GRIK5: variants seen among roughly 807,000 people sequenced by gnomAD.
The protein encoded by GRIK5 is glutamate receptor ionotropic, kainate 5.
A neutral mutation model predicts 97.4 loss-of-function variants in GRIK5; 43 were observed. The observed-to-expected ratio is 0.44, with a 90% CI of 0.35 to 0.57. The LOEUF (loss-of-function observed/expected upper bound fraction) is 0.57. Ranked by LOEUF, GRIK5 falls within the 20% of genes least tolerant of loss-of-function variation. The probability of loss-of-function intolerance (pLI) is 0.01; values close to 1 mark genes in which losing one functional copy is unlikely to be tolerated. For missense variants in GRIK5, 1,015 were observed against 1,382.0 expected (o/e 0.73, Z 4.21); for synonymous variants, 580 against 583.5 (o/e 0.99, Z 0.09).
chr19:42,067,405 G>A (rs991702716), intron 1 of GRIK5, among the ~76,000 whole-genome samples: 1 of 152,210 alleles, frequency 6.6e-6, no homozygotes, highest in East Asian at 1.9e-4. Context: ...TGCTAGGTGG[G>A]AGGGTATGCT....
rs1180349389 is a variant in GRIK5 at position 42,069,552 on chromosome 19, G to A, written c.-362C>T. Reference sequence around the variant, plus strand: ...AGGGGAAGGAGGGAGGAAAGGAGGAGAGGAAGGTGAAAACGGAAGGGGGGG... The same window carrying A: ...AGGGGAAGGAGGGAGGAAAGGAGGAAAGGAAGGTGAAAACGGAAGGGGGGG... On this transcript the variant is annotated 5_prime_UTR_variant, in exon 1 of 20. Coordinates refer to ENST00000593562, the MANE Select transcript of GRIK5 (RefSeq NM_002088.5). 1 of 137,672 alleles carries A rather than the reference G, an allele frequency of 7.3e-6. No individual in the cohort carries two copies. The highest frequency in any genetic ancestry group is 1.6e-5 in the Non-Finnish European group (1 of 63,290). The allele number at this position is 137,672 out of a possible 1,614,324, so 8.5% of individuals were successfully genotyped here.
chr19:42,012,276 A>G (rs979710781), intron 15 of GRIK5, among the ~76,000 whole-genome samples: 4 of 152,042 alleles, frequency 2.6e-5, no homozygotes, highest in African/African-American at 9.7e-5. Context: ...TTGGAGACAG[A>G]GTCTCTCTCT....
chr19:42,062,848 C>A lies in GRIK5; in HGVS notation c.252G>T (p.Gln84His), dbSNP rs2076278701. 1 of 1,612,406 alleles carries A rather than the reference C, an allele frequency of 6.2e-7. No individual in the cohort carries two copies. Among genetic ancestry groups the A allele is most frequent in the South Asian group, 1.1e-5 (1 of 91,048 alleles). The change falls in exon 4 of 20, where the codon CAG becomes CAT. Residue 84 changes from glutamine to histidine, a missense_variant. Coordinates refer to ENST00000593562, the MANE Select transcript of GRIK5 (RefSeq NM_002088.5). This position sits in a 1 kb window ranked among gnomAD's most constrained non-coding sequence, Gnocchi z 5.3. Reference protein sequence around the residue: ...SQYETTDTMCQILPKGVVSVL... With the variant: ...SQYETTDTMCHILPKGVVSVL... ...CAGACACAACCCCTTTGGGTAAGAT[C>A]TGACACACTGCGTGGGAAGGGGAAG... is the stretch of plus-strand genomic sequence containing the variant.
chr19:42,057,186 G>A (rs527444072), intron 6 of GRIK5, among the ~76,000 whole-genome samples: 3 of 152,130 alleles, frequency 2.0e-5, no homozygotes, highest in Non-Finnish European at 4.4e-5. Flanking sequence ...AGTCCCTGGT[G>A]TCCCGCCATG....
chr19:42,003,305 G>GGGCCCCCCCCCCC lies in GRIK5; in HGVS notation c.2514+26_2514+27insGGGGGGGGGGGCC. ...TCAGCCCCTGGGGGTCCCTGTTCCT[G>GGGCCCCCCCCCCC]CCCACCCCCACCCCCAGCCTCCTCA... On this transcript the variant is annotated intron_variant, in intron 19 of 19. Transcript: ENST00000593562. This position sits in a 1 kb window ranked among gnomAD's most constrained non-coding sequence, Gnocchi z 4.2. The GGGCCCCCCCCCCC allele has an allele frequency of 1.3e-6, 2 of 1,540,740 alleles. No individual in the cohort carries two copies. The highest frequency in any genetic ancestry group is 1.8e-6 in the Non-Finnish European group (2 of 1,118,200).
rs749402568 is a variant in GRIK5, at chr19:42,021,337, G to A, written c.1835C>T (p.Pro612Leu). The change falls in exon 15 of 20, where the codon CCC becomes CTC. Residue 612 changes from proline (P) to leucine (L), a missense_variant. Pro to Leu is a moderately conservative substitution (Grantham distance 98, BLOSUM62 -3). Transcript: ENST00000593562. The surrounding 1 kb of genome is among the most constrained non-coding windows in gnomAD (Gnocchi z 4.2). Reference sequence around the variant, plus strand: ...GACACAGCGCGTGGACAGCGCCCGGGGCATGATCTCCGAGCCCTGCTGCAT... The same window carrying A: ...GACACAGCGCGTGGACAGCGCCCGGAGCATGATCTCCGAGCCCTGCTGCAT... ...GFMQQGSEIM[P>L]RALSTRCVSG... 6.2e-7 allele frequency: 1 copy of A among 1,613,470 alleles called. No individual in the cohort carries two copies. Among genetic ancestry groups the A allele is most frequent in the Admixed American group, 1.7e-5 (1 of 60,010 alleles).
chr19:42,009,470 TAA>T (rs77770415), intron 15 of GRIK5, among the ~76,000 whole-genome samples: 27 of 131,478 alleles, frequency 2.1e-4, no homozygotes, highest in Admixed American at 4.6e-4. Flanking sequence ...ACCTTATCTT[TAA>T]AAAAAAAAAA....
chr19:42,054,464 G>T lies in GRIK5; in HGVS notation c.912C>A (p.Ala304=). The part of the protein sequence containing the change: ...ASTYLGPALS[A]ALMFDAVHVV... ...CGTGCACGGCGTCAAACATCAGGGC[G>T]GCTGACAGCTGCGGTGGGACAGAGG... is the stretch of plus-strand genomic sequence containing the variant. The change falls in exon 9 of 20, where the codon GCC becomes GCA. Residue 304 remains alanine, a synonymous_variant. Coordinates refer to ENST00000593562, the MANE Select transcript of GRIK5 (RefSeq NM_002088.5). The T allele has an allele frequency of 1.2e-6, 2 of 1,612,824 alleles. No individual in the cohort carries two copies. The highest frequency in any genetic ancestry group is 1.7e-6 in the Non-Finnish European group (2 of 1,179,944).
At chr19:42,056,438 A>C (rs932163737) in intron 8 of GRIK5, among the ~76,000 whole-genome samples, 5 of 152,088 alleles carry the variant, frequency 3.3e-5, no homozygotes, top group Non-Finnish European at 5.9e-5. Flanking sequence ...CCTGAGGTGC[A>C]CCTGCTTGGG....
rs145384113 is a variant in GRIK5 at position 42,062,485 on chromosome 19, C to T, written c.508+3G>A. ...GAAAACAAAACATTCAGTTCTCCCT[C>T]ACACTCAGCCTTGGCGCAGATGAGG... is the stretch of plus-strand genomic sequence containing the variant. On this transcript the variant is annotated splice_donor_region_variant and intron_variant, in intron 5 of 19. Transcript: ENST00000593562. The surrounding 1 kb of genome is among the most constrained non-coding windows in gnomAD (Gnocchi z 5.3). 21,708 of 1,613,962 alleles carry T rather than the reference C, an allele frequency of 0.013. 190 individuals carry two copies. Among genetic ancestry groups the T allele is most frequent in the Middle Eastern group, 0.016 (98 of 6,062 alleles).
chr19:42,035,365 T>C (rs577564020), intron 12 of GRIK5, among the ~76,000 whole-genome samples: 3 of 152,238 alleles, frequency 2.0e-5, no homozygotes, highest in Admixed American at 1.3e-4. Flanking sequence ...AAAAGCAAAC[T>C]ACACAGCAGT....
intron 15 of GRIK5, among the ~76,000 whole-genome samples, chr19:42,011,141 A>C (rs551016767): frequency 3.0e-4 from 45 of 151,016 alleles, no homozygotes; most frequent in East Asian, 1.6e-3. Flanking sequence ...ACACACACAC[A>C]CCCCTAATGT....
Position 42,059,498 on chromosome 19 carries a change from C to T in GRIK5, c.538G>A (p.Gly180Ser). ...CLLRLEELVR[G>S]FLISKETLSV... ...AGCGTCTCCTTGGAGATGAGGAAGC[C>T]ACGCACCAGTTCCTCCAATCGCAGC... is the stretch of plus-strand genomic sequence containing the variant. Residue 180 changes from glycine (G) to serine (S), a missense_variant, in exon 6 of 20, where the codon GGC (glycine) becomes AGC (serine). Gly to Ser is a moderately conservative substitution (Grantham distance 56). This residue lies in a region of GRIK5 where 477 missense variants were observed against 701.1 expected (regional missense o/e 0.68). Coordinates refer to ENST00000593562, the MANE Select transcript of GRIK5 (RefSeq NM_002088.5). The T allele has an allele frequency of 6.2e-7, 1 of 1,613,408 alleles. No individual in the cohort carries two copies.
chr19:42,042,904 G>C lies in GRIK5; in HGVS notation c.1270-149C>G, dbSNP rs2075996992. ...TAGTACACATTTCTCACTTACAAAT[G>C]CTCAGAGTGGGGAATAGACCTGAAA... is the stretch of plus-strand genomic sequence containing the variant. On this transcript the variant is annotated intron_variant, in intron 11 of 19. Coordinates refer to ENST00000593562, the MANE Select transcript of GRIK5 (RefSeq NM_002088.5). The surrounding 1 kb of genome is among the most constrained non-coding windows in gnomAD (Gnocchi z 6.9). 3.1e-6 allele frequency: 2 copies of C among 646,562 alleles called. No homozygotes were observed. The highest frequency in any genetic ancestry group is 3.8e-5 in the South Asian group (2 of 52,182). 40.1% of individuals were successfully genotyped at this position (646,562 alleles called of 1,614,324 possible).
intron 12 of GRIK5, among the ~76,000 whole-genome samples, chr19:42,026,467 T>C (rs1038387768): frequency 6.6e-6 from 1 of 151,606 alleles, no homozygotes; most frequent in African/African-American, 2.4e-5. Context: ...TTGGCCAGGT[T>C]AATCTCGAAC....
intron 11 of GRIK5, among the ~76,000 whole-genome samples, chr19:42,049,318 GA>G (rs1432383601): frequency 1.3e-5 from 2 of 152,152 alleles, no homozygotes; most frequent in African/African-American, 2.4e-5. Flanking sequence ...ACACCCAACA[GA>G]AACACCAGTA....
chr19:42,069,967 G>A lies in GRIK5; in HGVS notation c.-777C>T, dbSNP rs951257054. The stretch of plus-strand genomic sequence containing the variant: ...AGGAGGGAGAGGAGGATGGAGAGGA[G>A]CAGGTGGAAGAGAAAGGCGGAGGAG... On this transcript the variant is annotated 5_prime_UTR_variant, in exon 1 of 20. Transcript: ENST00000593562. Among the ~76,000 whole-genome samples the A allele has an allele frequency of 2.6e-5, 4 of 152,088 alleles. No individual in the cohort carries two copies. Among genetic ancestry groups the A allele is most frequent in the Non-Finnish European group, 4.4e-5 (3 of 67,976 alleles).
intron 15 of GRIK5, among the ~76,000 whole-genome samples, chr19:42,008,081 G>C (rs1460111564): frequency 3.3e-5 from 5 of 151,906 alleles, no homozygotes; most frequent in Non-Finnish European, 5.9e-5. Context: ...ACCCAGGCTG[G>C]AGTGCAGTGG....
At chr19:42,054,590 G>T in intron 8 of GRIK5, 118 bp from the exon 9 acceptor site, 2 of 1,171,176 alleles carry the variant, frequency 1.7e-6, no homozygotes, top group East Asian at 2.5e-5. Context: ...CCCCAGGAAT[G>T]GGAAACTGGG....
Sources: gnomAD v4.1 joint callset for allele counts (sites outside exome capture counted in the v4.1 genomes callset) on GRCh38, gnomAD v4.1.1 for gene constraint, gnomAD v4.1.1 regional missense constraint, Gnocchi (gnomAD v3.1) non-coding constraint, MANE v1.5 for transcripts, NCBI Gene and HGNC (gene_info 2026-07-23, HGNC 2026-07-21) for gene names.